Variants in WNK1 observed in about 807,000 individuals in gnomAD.
WNK1 encodes the protein serine/threonine-protein kinase WNK1.
A neutral mutation model predicts 222.8 loss-of-function variants in WNK1; 38 were observed. That is an observed-to-expected ratio of 0.17 (90% confidence interval 0.13 to 0.22). The LOEUF is 0.22. Among genes scored for constraint, WNK1 ranks in the 10% least tolerant of loss-of-function variants. The pLI, the probability that WNK1 is intolerant of heterozygous loss-of-function variation, is 1.00. For missense variants in WNK1, 2,348 were observed against 2,918.4 expected (o/e 0.80, Z 4.50); for synonymous variants, 1,090 against 1,092.9 (o/e 1.00, Z 0.05).
intron 9 of WNK1, among the ~76,000 whole-genome samples, chr12:876,182 C>T (rs1203997299): frequency 6.6e-6 from 1 of 152,070 alleles, no homozygotes; most frequent in Non-Finnish European, 1.5e-5. Context: ...GGCCGAGGTG[C>T]ACGGATCACA....
At chr12:756,306 A>G (rs771536355) in intron 1 of WNK1, among the ~76,000 whole-genome samples, 4 of 152,136 alleles carry the variant, frequency 2.6e-5, no homozygotes, top group Non-Finnish European at 5.9e-5. Context: ...GAATTTTCTG[A>G]TACTTTATTA....
Position 908,810 on chromosome 12 carries a change from G to T in WNK1, c.*18G>T. The T allele has an allele frequency of 7.7e-7, 1 of 1,298,070 alleles. No homozygotes were observed. The allele number at this position is 1,298,070 out of a possible 1,614,324, so 80.4% of individuals were successfully genotyped here. On this transcript the variant is annotated 3_prime_UTR_variant, in exon 28 of 28. Coordinates refer to ENST00000315939, the MANE Select transcript of WNK1 (RefSeq NM_018979.4). Reference sequence around the variant, plus strand: ...CCACTTAGACCTAGAGACATTAACTGAATAGATCTGGGGGCAGGAGATGGA... The same window carrying T: ...CCACTTAGACCTAGAGACATTAACTTAATAGATCTGGGGGCAGGAGATGGA...
intron 1 of WNK1, among the ~76,000 whole-genome samples, chr12:767,784 T>C (rs1359432728): frequency 6.6e-6 from 1 of 152,162 alleles, no homozygotes; most frequent in Non-Finnish European, 1.5e-5. Flanking sequence ...TGTAGTTGTT[T>C]ACCAGAAGAG....
At position 911,275 on chromosome 12, in the gene WNK1, G is replaced by GTT. The variant is rs1339165641; in HGVS notation, c.*2484_*2485dup. The stretch of plus-strand genomic sequence containing the variant: ...CTTACATTATTTAACAATGTACACT[G>GTT]TTAAAAATAAAAATAAAAATTCAAA... On this transcript the variant is annotated 3_prime_UTR_variant, in exon 28 of 28. Coordinates refer to ENST00000315939, the MANE Select transcript of WNK1 (RefSeq NM_018979.4). 2.5e-5 allele frequency: 10 copies of GTT among 398,430 alleles called. No homozygotes were observed. The Admixed American group carries it at 4.4e-4, about 18-fold the overall frequency. The allele number at this position is 398,430 out of a possible 1,614,324, so 24.7% of individuals were successfully genotyped here.
intron 1 of WNK1, among the ~76,000 whole-genome samples, chr12:758,422 C>G (rs1940525846): frequency 8.9e-6 from 1 of 112,446 alleles, no homozygotes; most frequent in Non-Finnish European, 1.8e-5. Context: ...GCTCTGTCGC[C>G]CAGGCCGGAC....
intron 1 of WNK1, among the ~76,000 whole-genome samples, chr12:758,948 G>C (rs1179925308): frequency 1.4e-5 from 2 of 147,068 alleles, no homozygotes; most frequent in Non-Finnish European, 3.0e-5. Flanking sequence ...TTCAAATTCT[G>C]ATGCAAGAGC....
chr12:908,861 G>GGGGGGGGGTCCC lies in WNK1; in HGVS notation c.*69_*70insGGGGGGGGTCCC. On this transcript the variant is annotated 3_prime_UTR_variant, in exon 28 of 28. Transcript: ENST00000315939. ...ATGCTGAGGGGGTGGGTGGGGGTGG[G>GGGGGGGGGTCCC]AAGTAGCCTATATACTAACTACTAG... 2.0e-6 allele frequency: 1 copy of GGGGGGGGGTCCC among 491,846 alleles called. No homozygotes were observed. The highest frequency in any genetic ancestry group is 4.1e-6 in the Non-Finnish European group (1 of 241,770). 30.5% of individuals were successfully genotyped at this position (491,846 alleles called of 1,614,324 possible).
chr12:910,588 C>CAAAG lies in WNK1; in HGVS notation c.*1803_*1806dup, dbSNP rs1017785910. 6 of 152,142 alleles carry CAAAG rather than the reference C, an allele frequency of 3.9e-5. No homozygotes were observed. The highest frequency in any genetic ancestry group is 7.4e-5 in the Non-Finnish European group (5 of 68,018). The allele number at this position is 152,142 out of a possible 1,614,324, so 9.4% of individuals were successfully genotyped here. On this transcript the variant is annotated 3_prime_UTR_variant, in exon 28 of 28. Coordinates refer to ENST00000315939, the MANE Select transcript of WNK1 (RefSeq NM_018979.4). ...TTAGGATCTTTGTTATCTCTGAAGACAAAGAAAGAAGCTAGGACTCTTAAT... is the reference window on the plus strand; with the variant it reads ...TTAGGATCTTTGTTATCTCTGAAGACAAAGAAAGAAAGAAGCTAGGACTCTTAAT...
At chr12:798,184 T>C (rs1945509930) in intron 1 of WNK1, among the ~76,000 whole-genome samples, 1 of 150,680 alleles carries the variant, frequency 6.6e-6, no homozygotes. Context: ...TTTTTCTTAT[T>C]GCATTTTCTT....
chr12:881,084 C>G (rs1413248298), intron 12 of WNK1, 85 bp downstream of exon 12: 1 of 1,558,208 alleles, frequency 6.4e-7, no homozygotes, highest in Non-Finnish European at 8.8e-7. Context: ...ACAGGCTCCC[C>G]TGGTTTAGAA....
At chr12:822,937 G>A (rs565456048) in intron 2 of WNK1, among the ~76,000 whole-genome samples, 1 of 152,248 alleles carries the variant, frequency 6.6e-6, no homozygotes, top group South Asian at 2.1e-4. Flanking sequence ...TTCTTTTAGG[G>A]AAAGTGTACT....
chr12:849,298 A>G (rs1475295661), intron 4 of WNK1, among the ~76,000 whole-genome samples: 1 of 152,182 alleles, frequency 6.6e-6, no homozygotes, highest in African/African-American at 2.4e-5. Context: ...CTTAGCATTC[A>G]CTGTCTTGAT....
At position 887,229 on chromosome 12, in the gene WNK1, A is replaced by G. The variant is rs780798451; in HGVS notation, c.5289A>G (p.Pro1763=). The G allele has an allele frequency of 1.2e-6, 2 of 1,614,198 alleles. No individual in the cohort carries two copies. Among genetic ancestry groups the G allele is most frequent in the Non-Finnish European group, 1.7e-6 (2 of 1,180,018 alleles). ...CCCTTTGTTGTCTGTAGGTGCTGCCAGTGGGTACTGAACTTCCAGCAGGTA... is the reference window on the plus strand; with the variant it reads ...CCCTTTGTTGTCTGTAGGTGCTGCCGGTGGGTACTGAACTTCCAGCAGGTA... ...KPPLTKAPVL[P]VGTELPAGTL... The change falls in exon 20 of 28, where the codon CCA becomes CCG. Residue 1763 remains proline, a synonymous_variant. Transcript: ENST00000315939.
At position 885,031 on chromosome 12, in the gene WNK1, T is replaced by G. The variant is rs958169304; in HGVS notation, c.4227T>G (p.Leu1409=). 1 of 1,614,048 alleles carries G rather than the reference T, an allele frequency of 6.2e-7. No individual in the cohort carries two copies. Among genetic ancestry groups the G allele is most frequent in the African/African-American group, 1.3e-5 (1 of 74,902 alleles). Residue 1409 remains leucine (L), a synonymous_variant, in exon 19 of 28, where the codon CTT becomes CTG. Coordinates refer to ENST00000315939, the MANE Select transcript of WNK1 (RefSeq NM_018979.4). Reference sequence around the variant, plus strand: ...CACCTGTGTCTGAATCACCAGTACTTTCCAGCGTAGTTTCAAGTATCACAA... The same window carrying G: ...CACCTGTGTCTGAATCACCAGTACTGTCCAGCGTAGTTTCAAGTATCACAA... ...PIPPVSESPV[L]SSVVSSITIP...
intron 1 of WNK1, among the ~76,000 whole-genome samples, chr12:794,947 G>A (rs990560036): frequency 6.6e-6 from 1 of 151,416 alleles, no homozygotes; most frequent in South Asian, 2.1e-4. Context: ...TAGAGATGTG[G>A]TCTTGCTGTG....
chr12:754,420 T>C (rs1340092065), intron 1 of WNK1, 96 bp downstream of exon 1: 1 of 1,525,836 alleles, frequency 6.6e-7, no homozygotes, highest in African/African-American at 1.4e-5. Flanking sequence ...TGGCATTCTC[T>C]GTTGGACTCC....
intron 8 of WNK1, chr12:868,135 T>C: frequency 1.2e-6 from 2 of 1,613,998 alleles, no homozygotes; most frequent in African/African-American, 1.3e-5. Flanking sequence ...TTATGTTGGG[T>C]ACTACAGCCA....
chr12:765,709 A>C (rs907518208), intron 1 of WNK1, among the ~76,000 whole-genome samples: 6 of 152,146 alleles, frequency 3.9e-5, no homozygotes, highest in Non-Finnish European at 7.3e-5. Flanking sequence ...AGGTGAGAGC[A>C]TTGCTTGAGG....
intron 26 of WNK1, among the ~76,000 whole-genome samples, chr12:902,204 C>T (rs1369467178): frequency 6.6e-6 from 1 of 151,348 alleles, no homozygotes; most frequent in African/African-American, 2.4e-5. Flanking sequence ...GAGGCTGAGG[C>T]GGGAGGATTA....
Sources: allele counts gnomAD v4.1 joint callset (sites outside exome capture counted in the v4.1 genomes callset), GRCh38; gene constraint gnomAD v4.1.1; transcripts MANE v1.5; gene names NCBI Gene and HGNC (gene_info 2026-07-23, HGNC 2026-07-21).